Variants in TMEM156 observed in about 807,000 individuals in gnomAD.
TMEM156 encodes transmembrane protein 156.
TMEM156 carries 28 observed loss-of-function variants against 30.5 expected under a neutral mutation model. That is an observed-to-expected ratio of 0.92 (90% CI 0.68 to 1.26). TMEM156 has a LOEUF of 1.26. Ranked by LOEUF, TMEM156 falls within the 50% of genes most tolerant of loss-of-function variation. The probability of loss-of-function intolerance (pLI) is 0.00; values close to 1 mark genes in which losing one functional copy is unlikely to be tolerated. For synonymous variants in TMEM156, 137 were observed against 119.9 expected, an observed-to-expected ratio of 1.14 and a Z score of -0.93; for missense variants, 351 against 340.6, an observed-to-expected ratio of 1.03 and a Z score of -0.24.
chr4:39,015,461 G>A (rs182740669), intron 1 of TMEM156, among the ~76,000 whole-genome samples: 80 of 152,304 alleles, frequency 5.3e-4, no homozygotes, highest in South Asian at 2.1e-4. Flanking sequence ...AAGATGGAAG[G>A]AGGCCACAAG....
intron 1 of TMEM156, among the ~76,000 whole-genome samples, chr4:39,013,558 G>T (rs1009278733): frequency 6.6e-6 from 1 of 151,540 alleles, no homozygotes; most frequent in African/African-American, 2.4e-5. Flanking sequence ...ACCTCACCAC[G>T]CCCAGCTAAT....
intron 1 of TMEM156, among the ~76,000 whole-genome samples, chr4:39,015,487 A>T (rs1174994842): frequency 6.6e-6 from 1 of 152,226 alleles, no homozygotes; most frequent in Non-Finnish European, 1.5e-5. Context: ...GAATTCAGAC[A>T]GCTTCCAGAA....
intron 1 of TMEM156, among the ~76,000 whole-genome samples, chr4:39,023,831 G>A (rs774086422): frequency 5.6e-4 from 86 of 152,240 alleles, no homozygotes; most frequent in Non-Finnish European, 1.1e-3. Flanking sequence ...TCCAGCCTGG[G>A]TGACAGAGTG....
intron 2 of TMEM156, 125 bp downstream of exon 2, chr4:38,998,515 G>A: frequency 1.1e-6 from 1 of 890,226 alleles, no homozygotes. Flanking sequence ...CTGCACTCTA[G>A]CCTGGGCAAC....
At chr4:38,994,378 A>T (rs975945526) in intron 2 of TMEM156, among the ~76,000 whole-genome samples, 1 of 152,102 alleles carries the variant, frequency 6.6e-6, no homozygotes, top group Admixed American at 6.6e-5. Context: ...CTCCCTCCTC[A>T]GACTCCTGAA....
intron 3 of TMEM156, among the ~76,000 whole-genome samples, chr4:38,989,562 T>G (rs1712264033): frequency 1.3e-5 from 2 of 152,194 alleles, no homozygotes; most frequent in African/African-American, 4.8e-5. Flanking sequence ...GTAGTTGCCC[T>G]GGCCTAAATT....
chr4:39,011,075 C>A (rs924661985), intron 1 of TMEM156, among the ~76,000 whole-genome samples: 7 of 151,856 alleles, frequency 4.6e-5, no homozygotes, highest in Non-Finnish European at 7.4e-5. Context: ...AAGAAAAAAA[C>A]CAACCCCATT....
chr4:38,989,340 G>T (rs1275473739), intron 3 of TMEM156, among the ~76,000 whole-genome samples: 1 of 152,142 alleles, frequency 6.6e-6, no homozygotes, highest in East Asian at 1.9e-4. Flanking sequence ...CCTGGGCCAG[G>T]CAGCCCAAAA....
chr4:38,981,790 G>A (rs1711574491), intron 5 of TMEM156, among the ~76,000 whole-genome samples: 1 of 152,192 alleles, frequency 6.6e-6, no homozygotes, highest in Non-Finnish European at 1.5e-5. Context: ...CTTCTCCTAT[G>A]TCAACCACAG....
intron 5 of TMEM156, 50 bp downstream of exon 5, chr4:38,986,286 A>G: frequency 7.7e-7 from 1 of 1,294,744 alleles, no homozygotes; most frequent in Non-Finnish European, 1.1e-6. Context: ...GAAACCATGC[A>G]GCTTTGGAAT....
chr4:38,991,803 A>G (rs62294547), intron 3 of TMEM156, among the ~76,000 whole-genome samples: 54,285 of 151,954 alleles, frequency 0.36, 10,348 homozygotes, highest in East Asian at 0.65. Flanking sequence ...TTTGATGTCT[A>G]TAATCTAAAC....
intron 5 of TMEM156, among the ~76,000 whole-genome samples, chr4:38,979,496 G>T (rs1723073092): frequency 6.6e-6 from 1 of 152,216 alleles, no homozygotes; most frequent in African/African-American, 2.4e-5. Context: ...GCACTATGAA[G>T]CACAAAAAAT....
intron 4 of TMEM156, among the ~76,000 whole-genome samples, chr4:38,986,926 T>C (rs1369864215): frequency 2.0e-5 from 3 of 150,256 alleles, no homozygotes; most frequent in Admixed American, 1.3e-4. Flanking sequence ...GTGAAGAATA[T>C]TCAATGTATG....
intron 1 of TMEM156, among the ~76,000 whole-genome samples, chr4:38,999,248 C>T (rs1713168642): frequency 6.6e-6 from 1 of 151,880 alleles, no homozygotes; most frequent in Non-Finnish European, 1.5e-5. Flanking sequence ...TCCAGAGTAG[C>T]TGTGACTGCA....
intron 6 of TMEM156, among the ~76,000 whole-genome samples, chr4:38,968,222 G>A (rs1369252026): frequency 6.6e-6 from 1 of 152,220 alleles, no homozygotes; most frequent in African/African-American, 2.4e-5. Context: ...TCTATCAAAT[G>A]AAAGTGTAAG....
Position 39,016,839 on chromosome 4 carries a change from C to T in TMEM156, c.88+15387G>A, listed in dbSNP as rs368415318. On this transcript the variant is annotated intron_variant, in intron 1 of 6. Coordinates refer to ENST00000381938, the MANE Select transcript of TMEM156 (RefSeq NM_024943.3). ...TTCTCACGCTGCTAATAAAGACATACCCGAGACTGGGTAAATTATAAAGGA... is the reference window on the plus strand; with the variant it reads ...TTCTCACGCTGCTAATAAAGACATATCCGAGACTGGGTAAATTATAAAGGA... 4.1e-4 allele frequency among the ~76,000 whole-genome samples: 62 copies of T among 152,176 alleles called. 1 individual carries two copies. In the South Asian group the frequency reaches 0.013, roughly 31 times the overall value.
intron 4 of TMEM156, among the ~76,000 whole-genome samples, chr4:38,988,474 C>A (rs112806141): frequency 0.081 from 12,353 of 152,218 alleles, 589 homozygotes; most frequent in Middle Eastern, 0.13. Flanking sequence ...TCAGGTGATC[C>A]GCCTGCCTCA....
chr4:38,988,978 G>C lies in TMEM156; in HGVS notation c.620-8C>G. On this transcript the variant is annotated splice_polypyrimidine_tract_variant and splice_region_variant and intron_variant, in intron 3 of 6. Transcript: ENST00000381938. ...TCATGGAACAAGTGATATCTGTAAA[G>C]AAAACAAATACTGTAAAAACCCAGT... 6.2e-7 allele frequency: 1 copy of C among 1,607,304 alleles called. No individual in the cohort carries two copies.
At chr4:38,989,442 A>G (rs565353982) in intron 3 of TMEM156, among the ~76,000 whole-genome samples, 9 of 152,264 alleles carry the variant, frequency 5.9e-5, no homozygotes, top group African/African-American at 9.6e-5. Context: ...TCTGAGGCAT[A>G]TAAGTGGCCA....
Sources: gnomAD v4.1 joint callset for allele counts (sites outside exome capture counted in the v4.1 genomes callset) on GRCh38, gnomAD v4.1.1 for gene constraint, MANE v1.5 for transcripts, NCBI Gene and HGNC (gene_info 2026-07-23, HGNC 2026-07-21) for gene names.